CHRNB4: variants seen among roughly 807,000 people sequenced by gnomAD.
CHRNB4 encodes the protein neuronal acetylcholine receptor subunit beta-4.
A neutral mutation model predicts 40.4 loss-of-function variants in CHRNB4; 23 were observed. That is an observed-to-expected ratio of 0.57 (90% CI 0.41 to 0.81). The LOEUF (loss-of-function observed/expected upper bound fraction) is 0.81. CHRNB4 is among the 30% of genes least tolerant of loss of function. The pLI is 0.00. For synonymous variants in CHRNB4, 285 were observed against 274.4 expected (o/e 1.04, Z -0.38); for missense variants, 568 against 670.6 (o/e 0.85, Z 1.69).
intron 7 of CHRNB4, among the ~76,000 whole-genome samples, chr15:78,647,687 A>G (rs367553607): frequency 0.014 from 1,839 of 129,756 alleles, 48 homozygotes; most frequent in African/African-American, 0.045. Flanking sequence ...TCTACTAAAA[A>G]TCCAAAAAAA....
chr15:78,625,573 C>A (rs1296926125), intron 5 of CHRNB4, among the ~76,000 whole-genome samples: 1 of 152,192 alleles, frequency 6.6e-6, no homozygotes, highest in Non-Finnish European at 1.5e-5. Context: ...CTTGTTAATA[C>A]TACATATTAT....
chr15:78,658,766 C>T (rs187179525), intron 1 of CHRNB4, among the ~76,000 whole-genome samples: 77 of 152,274 alleles, frequency 5.1e-4, no homozygotes, highest in Admixed American at 4.8e-3. Flanking sequence ...TCTGCTAGGC[C>T]CTGACCTGAA....
upstream of CHRNB4, among the ~76,000 whole-genome samples, chr15:78,646,195 C>T (rs1158088945): frequency 6.6e-6 from 1 of 151,920 alleles, no homozygotes; most frequent in African/African-American, 2.4e-5. Flanking sequence ...TGGAAGAGAA[C>T]GGGAGCCCAG....
chr15:78,643,924 C>T (rs1048357191), upstream of CHRNB4, among the ~76,000 whole-genome samples: 2 of 148,982 alleles, frequency 1.3e-5, no homozygotes, highest in East Asian at 2.0e-4. Context: ...CTGAGGCGGG[C>T]GGATCACGAT....
chr15:78,632,232 TCTCTCTCTCTCTCTCTCTC>T, intron 2 of CHRNB4, among the ~76,000 whole-genome samples: 12 of 87,560 alleles, frequency 1.4e-4, no homozygotes, highest in African/African-American at 9.3e-4. Context: ...TCTCTCTCTC[TCTCTCTCTCTCTCTCTCTC>T]TCTCTTTCTT....
At chr15:78,627,708 T>C (rs1277707913) in intron 5 of CHRNB4, 3 of 152,234 alleles carry the variant, frequency 2.0e-5, no homozygotes, top group African/African-American at 7.2e-5. Context: ...CTCTCCCTCC[T>C]GGTATGGAAA....
chr15:78,653,732 T>C (rs980439079), intron 5 of CHRNB4, among the ~76,000 whole-genome samples: 1 of 152,152 alleles, frequency 6.6e-6, no homozygotes, highest in Non-Finnish European at 1.5e-5. Flanking sequence ...GGGCCTGCCA[T>C]TTTTGCTCAA....
chr15:78,647,688 TCCAAAAAA>T lies in CHRNB4; in HGVS notation c.46+1683_46+1690del, dbSNP rs1166683161. On this transcript the variant is annotated intron_variant and NMD_transcript_variant, in intron 7 of 11. Coordinates refer to the CHRNB4 transcript ENST00000559849. Reference sequence around the variant, plus strand: ...GGTGAAACCCCGTCTCTACTAAAAATCCAAAAAAAAAAAAAAAAAAAATTAGCCGGGCG... The same window carrying T: ...GGTGAAACCCCGTCTCTACTAAAAATAAAAAAAAAAAAAATTAGCCGGGCG... Among the ~76,000 whole-genome samples the T allele has an allele frequency of 1.8e-4, 11 of 60,456 alleles. No homozygotes were observed. The East Asian group carries it at 3.4e-3, about 19-fold the overall frequency. The allele number at this position is 60,456 out of a possible 152,430, so 39.7% of individuals were successfully genotyped here.
chr15:78,659,510 T>C (rs531582747), intron 1 of CHRNB4, among the ~76,000 whole-genome samples: 11 of 152,272 alleles, frequency 7.2e-5, no homozygotes, highest in Non-Finnish European at 1.3e-4. Context: ...AACAGAGTGA[T>C]GTGCTGCAGG....
chr15:78,641,372 T>A (rs2054072413), upstream of CHRNB4: 1 of 454,288 alleles, frequency 2.2e-6, no homozygotes, highest in Non-Finnish European at 3.8e-6. Flanking sequence ...CTGGCTTCCC[T>A]ATCTCTTCGG....
At chr15:78,661,271 G>A (rs903297133), upstream of CHRNB4, 2 of 603,234 alleles carry the variant, frequency 3.3e-6, no homozygotes, top group Non-Finnish European at 3.2e-6. Context: ...GCCCCGCCCT[G>A]AGGATGCGGC....
intron 1 of CHRNB4, among the ~76,000 whole-genome samples, chr15:78,638,620 C>T (rs866439515): frequency 7.2e-4 from 51 of 71,130 alleles, no homozygotes; most frequent in South Asian, 1.7e-3. Flanking sequence ...AGTGTATGGC[C>T]GGGGGGCCGG....
intron 1 of CHRNB4, 44 bp from the exon 2 acceptor site, chr15:78,635,631 G>T: frequency 6.2e-7 from 1 of 1,609,054 alleles, no homozygotes; most frequent in Non-Finnish European, 8.5e-7. Flanking sequence ...TTGTGCACCT[G>T]ACCCCCACTG....
At chr15:78,660,917 G>A (rs1367142283), upstream of CHRNB4, 1 of 379,216 alleles carries the variant, frequency 2.6e-6, no homozygotes, top group African/African-American at 2.1e-5. Context: ...GCACACAATT[G>A]CCTGGGGATT....
chr15:78,655,281 C>T (rs1210128422), intron 5 of CHRNB4, among the ~76,000 whole-genome samples: 1 of 151,314 alleles, frequency 6.6e-6, no homozygotes, highest in Admixed American at 6.6e-5. Context: ...GATCATGGCT[C>T]ACTGCAGCCT....
At chr15:78,634,103 T>C (rs72743158) in intron 2 of CHRNB4, among the ~76,000 whole-genome samples, 39,889 of 151,914 alleles carry the variant, frequency 0.26, 6,845 homozygotes, top group Middle Eastern at 0.41. Flanking sequence ...CTCAAATAAA[T>C]AAACAAACCC....
chr15:78,646,758 T>C (rs1209097644), intron 7 of CHRNB4, among the ~76,000 whole-genome samples: 1 of 152,232 alleles, frequency 6.6e-6, no homozygotes, highest in Admixed American at 6.5e-5. Context: ...CTTAACACCA[T>C]TATATTGGAG....
chr15:78,645,903 T>TA (rs141633502), upstream of CHRNB4, among the ~76,000 whole-genome samples: 5 of 151,628 alleles, frequency 3.3e-5, no homozygotes, highest in Admixed American at 6.6e-5. Context: ...ACTAAAAATA[T>TA]AAAAAAATTA....
upstream of CHRNB4, chr15:78,661,089 C>T (rs903183394): frequency 1.7e-6 from 1 of 605,002 alleles, no homozygotes; most frequent in South Asian, 1.4e-5. Context: ...CGCGCTTGAA[C>T]TTCCGGCCCT....
Sources: allele counts gnomAD v4.1 joint callset (sites outside exome capture counted in the v4.1 genomes callset), GRCh38; gene constraint gnomAD v4.1.1; transcripts MANE v1.5; gene names NCBI Gene and HGNC (gene_info 2026-07-23, HGNC 2026-07-21).